TADA2A: variants seen among roughly 807,000 people sequenced by gnomAD.
TADA2A encodes transcriptional adapter 2-alpha.
Under a neutral mutation model 67.4 loss-of-function variants are expected in TADA2A, and 38 were observed. The ratio of observed to expected loss-of-function variants is 0.56; its 90% CI spans 0.44 to 0.74. TADA2A has a LOEUF of 0.74. Among genes scored for constraint, TADA2A ranks in the 30% least tolerant of loss-of-function variants. The pLI, the probability that TADA2A is intolerant of heterozygous loss-of-function variation, is 0.00. For synonymous variants in TADA2A, 192 were observed against 181.6 expected (o/e 1.06, Z -0.46); for missense variants, 454 against 547.0 (o/e 0.83, Z 1.70).
intron 6 of TADA2A, among the ~76,000 whole-genome samples, chr17:37,441,269 G>A (rs77920859): frequency 6.6e-6 from 1 of 152,218 alleles, no homozygotes; most frequent in East Asian, 1.9e-4. Context: ...AAAATAAGAT[G>A]TCAAAAAGGG....
In TADA2A at chr17:37,449,854, G is replaced by A. The variant is rs933501061; in HGVS notation, c.604+5086G>A. On this transcript the variant is annotated intron_variant, in intron 8 of 15. Coordinates refer to ENST00000615182, the MANE Select transcript of TADA2A (RefSeq NM_001166105.3). ...TCAGGCTCAACCTTGAATGTTTGTT[G>A]CTGTTTCATTTTTGTGAGGTTTCAC... Among the ~76,000 whole-genome samples the A allele has an allele frequency of 5.3e-5, 8 of 152,032 alleles. No individual in the cohort carries two copies. The East Asian group carries it at 1.3e-3, about 26-fold the overall frequency.
intron 2 of TADA2A, among the ~76,000 whole-genome samples, chr17:37,414,754 C>G (rs573003839): frequency 4.6e-5 from 7 of 152,164 alleles, no homozygotes; most frequent in Admixed American, 3.3e-4. Context: ...TGGCTCCCAA[C>G]ATCAATATAA....
intron 4 of TADA2A, among the ~76,000 whole-genome samples, chr17:37,434,786 A>G (rs946453967): frequency 8.6e-5 from 13 of 150,882 alleles, no homozygotes; most frequent in African/African-American, 3.2e-4. Context: ...ACTAGTTTTG[A>G]GAATATGCAT....
intron 1 of TADA2A, 60 bp from the exon 2 acceptor site, chr17:37,411,208 CT>C (rs2051855958): frequency 2.9e-6 from 2 of 689,984 alleles, no homozygotes; most frequent in Non-Finnish European, 5.2e-6. Flanking sequence ...TGCATATCTT[CT>C]CTTTATCTTG....
rs970440225 is a variant in TADA2A, at chr17:37,415,106, T to A, written c.25+3716T>A. The stretch of plus-strand genomic sequence containing the variant: ...CATGTTGGCCAGGCTGGTCTTGAAC[T>A]CCTGATCTCAGGTGATCCACCCGCC... On this transcript the variant is annotated intron_variant, in intron 2 of 15. Transcript: ENST00000615182. 5.0e-3 allele frequency among the ~76,000 whole-genome samples: 750 copies of A among 150,776 alleles called. 13 individuals carry two copies. The highest frequency in any genetic ancestry group is 0.018 in the African/African-American group (719 of 40,130).
chr17:37,437,339 C>G (rs1323206127), intron 4 of TADA2A, among the ~76,000 whole-genome samples: 1 of 151,792 alleles, frequency 6.6e-6, no homozygotes, highest in African/African-American at 2.4e-5. Context: ...GATCCGCCCT[C>G]CTCGACCTCC....
At chr17:37,469,933 A>C (rs1483414437) in intron 12 of TADA2A, among the ~76,000 whole-genome samples, 1 of 152,226 alleles carries the variant, frequency 6.6e-6, no homozygotes, top group East Asian at 1.9e-4. Flanking sequence ...GGCTGCCTCT[A>C]AGAAATATGG....
intron 10 of TADA2A, among the ~76,000 whole-genome samples, chr17:37,462,789 A>G (rs764955599): frequency 7.2e-5 from 11 of 152,204 alleles, no homozygotes; most frequent in Admixed American, 2.0e-4. Context: ...CTATGTGTTA[A>G]GCATAACATA....
chr17:37,440,235 C>T lies in TADA2A; in HGVS notation c.285-270C>T, dbSNP rs549231380. On this transcript the variant is annotated intron_variant, in intron 5 of 15. Transcript: ENST00000615182. Reference sequence around the variant, plus strand: ...GGATTACAGGTGTGAGCCACTGCGCCTGGCCTCAGTCATCTTTCTTTAAGT... The same window carrying T: ...GGATTACAGGTGTGAGCCACTGCGCTTGGCCTCAGTCATCTTTCTTTAAGT... Among the ~76,000 whole-genome samples, 4 of 152,208 alleles carry T rather than the reference C, an allele frequency of 2.6e-5. No homozygotes were observed. In the South Asian group the frequency reaches 8.3e-4, roughly 32 times the overall value.
At chr17:37,441,656 TG>T (rs1474780822) in intron 6 of TADA2A, among the ~76,000 whole-genome samples, 2 of 142,160 alleles carry the variant, frequency 1.4e-5, no homozygotes, top group Non-Finnish European at 3.0e-5. Context: ...ACTTAAAGGC[TG>T]GTAATACCTC....
intron 3 of TADA2A, 133 bp downstream of exon 3, chr17:37,423,748 C>CTT: frequency 3.1e-6 from 2 of 635,884 alleles, no homozygotes; most frequent in Non-Finnish European, 2.4e-6. Context: ...TTTTCTTTTT[C>CTT]TTTCTTTTTT....
intron 13 of TADA2A, 150 bp downstream of exon 13, chr17:37,470,682 G>A: frequency 1.2e-6 from 1 of 851,722 alleles, no homozygotes; most frequent in Admixed American, 3.4e-5. Context: ...CAGAAACAGT[G>A]CCATACTGAC....
chr17:37,441,746 A>C (rs1234158074), intron 6 of TADA2A, among the ~76,000 whole-genome samples: 12 of 150,476 alleles, frequency 8.0e-5, no homozygotes. Flanking sequence ...GGCTTACTGC[A>C]ACCTCCACCT....
In TADA2A at chr17:37,428,817, C is replaced by T. The variant is rs187197435; in HGVS notation, c.192+1808C>T. Among the ~76,000 whole-genome samples, 182 of 152,124 alleles carry T rather than the reference C, an allele frequency of 1.2e-3. 2 individuals are homozygous for T. The highest frequency in any genetic ancestry group is 2.9e-3 in the Admixed American group (44 of 15,270). On this transcript the variant is annotated intron_variant, in intron 4 of 15. Transcript: ENST00000615182. ...ATCCCAGCACTTTGGGAGGCCGAGG[C>T]GGGTGGATCACAAGGTCAGGAGATC...
At chr17:37,415,561 A>G (rs1438332766) in intron 2 of TADA2A, among the ~76,000 whole-genome samples, 1 of 152,066 alleles carries the variant, frequency 6.6e-6, no homozygotes, top group African/African-American at 2.4e-5. Context: ...GAGTTGTACT[A>G]TTTTGTATTC....
At chr17:37,444,644 C>A in intron 7 of TADA2A, 52 bp from the exon 8 acceptor site, 1 of 1,471,150 alleles carries the variant, frequency 6.8e-7, no homozygotes, top group South Asian at 1.2e-5. Context: ...TGTAAAGACA[C>A]TAATCAAAGC....
chr17:37,463,194 C>T (rs1465758905), intron 10 of TADA2A, among the ~76,000 whole-genome samples: 1 of 152,032 alleles, frequency 6.6e-6, no homozygotes, highest in Non-Finnish European at 1.5e-5. Context: ...TTTCTTCTTC[C>T]ACAACATAGA....
At chr17:37,466,928 G>A (rs553737038) in intron 11 of TADA2A, among the ~76,000 whole-genome samples, 26 of 152,242 alleles carry the variant, frequency 1.7e-4, no homozygotes, top group African/African-American at 5.8e-4. Flanking sequence ...AGGCCGAGGC[G>A]GGTGGATCAC....
In TADA2A at chr17:37,479,057, A is replaced by G. The variant is rs958251652; in HGVS notation, c.*2075A>G. ...TTGGGATGCATTAGCCATCAGTGTT[A>G]GGTGACGTCTGTTGTAGTCTGAAGA... is the stretch of plus-strand genomic sequence containing the variant. On this transcript the variant is annotated 3_prime_UTR_variant, in exon 16 of 16. Transcript: ENST00000615182. The G allele has an allele frequency of 1.3e-5, 2 of 152,224 alleles. No individual in the cohort carries two copies. The highest frequency in any genetic ancestry group is 2.9e-5 in the Non-Finnish European group (2 of 68,044). The allele number at this position is 152,224 out of a possible 1,614,324, so 9.4% of individuals were successfully genotyped here.
Sources: gnomAD v4.1 joint callset for allele counts (sites outside exome capture counted in the v4.1 genomes callset) on GRCh38, gnomAD v4.1.1 for gene constraint, MANE v1.5 for transcripts, NCBI Gene and HGNC (gene_info 2026-07-23, HGNC 2026-07-21) for gene names.